Variants in GALNT13 observed in about 807,000 individuals in gnomAD.
GALNT13 encodes polypeptide N-acetylgalactosaminyltransferase 13.
Under a neutral mutation model 64.2 loss-of-function variants are expected in GALNT13, and 28 were observed. That is an observed-to-expected ratio of 0.44 (90% CI 0.32 to 0.60). The LOEUF (loss-of-function observed/expected upper bound fraction) is 0.60. Among genes scored for constraint, GALNT13 ranks in the 20% least tolerant of loss-of-function variants. The pLI, the probability that GALNT13 is intolerant of heterozygous loss-of-function variation, is 0.05. For synonymous variants in GALNT13, 214 were observed against 224.6 expected, an observed-to-expected ratio of 0.95 and a Z score of 0.42; for missense variants, 577 against 669.8, an observed-to-expected ratio of 0.86 and a Z score of 1.53.
At chr2:153,088,075 T>C in the GALNT13 span, among the ~76,000 whole-genome samples, 1 of 152,124 alleles carries the variant, frequency 6.6e-6, no homozygotes, top group Non-Finnish European at 1.5e-5. Flanking sequence ...TTACTTGTGC[T>C]CTTTCAGACT....
intron 3 of GALNT13, among the ~76,000 whole-genome samples, chr2:154,123,076 A>T (rs942855187): frequency 2.6e-5 from 4 of 152,062 alleles, no homozygotes; most frequent in African/African-American, 9.6e-5. Flanking sequence ...GAATAATTTC[A>T]TATCTAATAA....
intron 2 of GALNT13, among the ~76,000 whole-genome samples, chr2:153,903,089 T>C (rs964483108): frequency 6.6e-6 from 1 of 152,046 alleles, no homozygotes; most frequent in African/African-American, 2.4e-5. Flanking sequence ...ATGTACCTTA[T>C]GGTTAGTGAT....
chr2:154,347,212 C>T (rs2105242486), intron 9 of GALNT13, among the ~76,000 whole-genome samples: 1 of 152,196 alleles, frequency 6.6e-6, no homozygotes, highest in East Asian at 1.9e-4. Flanking sequence ...TTGTTCAGTA[C>T]TTGTATTTCC....
intron 3 of GALNT13, among the ~76,000 whole-genome samples, chr2:153,990,717 A>T (rs1574278714): frequency 1.3e-5 from 2 of 152,174 alleles, no homozygotes; most frequent in South Asian, 4.1e-4. Flanking sequence ...AGTGTTAGCA[A>T]CAAGTCTAAA....
chr2:153,750,618 T>C, the GALNT13 span, among the ~76,000 whole-genome samples: 1 of 151,860 alleles, frequency 6.6e-6, no homozygotes, highest in Non-Finnish European at 1.5e-5. Context: ...CTTACGTTGC[T>C]CATAGAGGCC....
the GALNT13 span, among the ~76,000 whole-genome samples, chr2:153,495,089 T>C: frequency 6.6e-6 from 1 of 152,174 alleles, no homozygotes; most frequent in African/African-American, 2.4e-5. Context: ...TCTTGATTAT[T>C]TTGCCTTTCT....
intron 4 of GALNT13, among the ~76,000 whole-genome samples, chr2:154,196,745 A>G (rs1295427975): frequency 6.6e-6 from 1 of 152,234 alleles, no homozygotes; most frequent in Non-Finnish European, 1.5e-5. Flanking sequence ...ATATAATTAT[A>G]GATTTGGACT....
At chr2:153,424,128 A>G in the GALNT13 span, among the ~76,000 whole-genome samples, 3 of 150,306 alleles carry the variant, frequency 2.0e-5, no homozygotes, top group African/African-American at 7.3e-5. Flanking sequence ...CCACATATAC[A>G]TGGCTTGATC....
At chr2:154,210,417 C>A (rs924872250) in intron 4 of GALNT13, among the ~76,000 whole-genome samples, 1 of 152,116 alleles carries the variant, frequency 6.6e-6, no homozygotes, top group African/African-American at 2.4e-5. Context: ...TATACAGTTT[C>A]TCATAATGGC....
At chr2:153,306,521 T>C in the GALNT13 span, among the ~76,000 whole-genome samples, 1 of 152,188 alleles carries the variant, frequency 6.6e-6, no homozygotes, top group Non-Finnish European at 1.5e-5. Context: ...TACAGTTTCC[T>C]TTCATAAAAA....
chr2:153,168,878 C>T, the GALNT13 span, among the ~76,000 whole-genome samples: 3 of 152,066 alleles, frequency 2.0e-5, no homozygotes, highest in Non-Finnish European at 4.4e-5. Context: ...TTGGTTTTTT[C>T]CTGTGCTTCC....
the GALNT13 span, among the ~76,000 whole-genome samples, chr2:153,111,267 T>C: frequency 2.0e-5 from 3 of 152,042 alleles, no homozygotes; most frequent in Admixed American, 2.0e-4. Flanking sequence ...ATTCCTTTGA[T>C]AACATAAAAC....
At chr2:153,892,983 C>T (rs12693851) in intron 1 of GALNT13, among the ~76,000 whole-genome samples, 95,887 of 151,870 alleles carry the variant, frequency 0.63, 30,581 homozygotes, top group East Asian at 0.82. Flanking sequence ...TTTTCCCTCA[C>T]AAGATATGAA....
chr2:154,052,723 T>C (rs1055342096), intron 3 of GALNT13, among the ~76,000 whole-genome samples: 2 of 151,000 alleles, frequency 1.3e-5, no homozygotes, highest in South Asian at 4.2e-4. Flanking sequence ...TTCACTTTAC[T>C]ACAGAATTGA....
the GALNT13 span, among the ~76,000 whole-genome samples, chr2:153,209,563 C>T: frequency 3.3e-5 from 5 of 152,270 alleles, no homozygotes; most frequent in African/African-American, 1.2e-4. Flanking sequence ...TTCTTGACTA[C>T]TGTAGCTTTA....
chr2:154,125,895 G>T (rs186171873), intron 3 of GALNT13, among the ~76,000 whole-genome samples: 29 of 152,296 alleles, frequency 1.9e-4, no homozygotes, highest in African/African-American at 6.0e-4. Flanking sequence ...TATAAGAGTA[G>T]AATGCCTTCA....
the GALNT13 span, among the ~76,000 whole-genome samples, chr2:153,633,650 C>A: frequency 6.6e-5 from 10 of 152,172 alleles, no homozygotes; most frequent in Admixed American, 6.6e-4. Flanking sequence ...TTCCTCTTTG[C>A]CATGTTTTTC....
At chr2:153,910,495 C>T (rs1466169006) in intron 2 of GALNT13, among the ~76,000 whole-genome samples, 3 of 152,136 alleles carry the variant, frequency 2.0e-5, no homozygotes, top group East Asian at 3.9e-4. Flanking sequence ...TTGATTTCTT[C>T]TTGCTTCTCT....
At chr2:154,268,937 C>A (rs1691171992) in intron 8 of GALNT13, among the ~76,000 whole-genome samples, 1 of 152,034 alleles carries the variant, frequency 6.6e-6, no homozygotes, top group African/African-American at 2.4e-5. Context: ...TTTTAATTAA[C>A]AAGATCGAAT....
Sources: gnomAD v4.1 joint callset for allele counts (sites outside exome capture counted in the v4.1 genomes callset) on GRCh38, gnomAD v4.1.1 for gene constraint, MANE v1.5 for transcripts, NCBI Gene and HGNC (gene_info 2026-07-23, HGNC 2026-07-21) for gene names.